The following LIMS1 variants were observed in gnomAD, a reference collection of about 807,000 sequenced individuals.
The protein encoded by LIMS1 is LIM zinc finger domain containing 1, also known as LIM and senescent cell antigen-like-containing domain protein 1.
In LIMS1, 18 loss-of-function variants were observed where a neutral mutation model predicts 44.1. That is an observed-to-expected ratio of 0.41 (90% CI 0.28 to 0.61). LIMS1 has a LOEUF of 0.61. Among genes scored for constraint, LIMS1 ranks in the 20% least tolerant of loss-of-function variants. The probability of loss-of-function intolerance (pLI) is 0.32; values close to 1 mark genes in which losing one functional copy is unlikely to be tolerated. For missense variants in LIMS1, 201 were observed against 422.0 expected (o/e 0.48, Z 4.59); for synonymous variants, 93 against 149.1 (o/e 0.62, Z 2.74).
intron 1 of LIMS1, among the ~76,000 whole-genome samples, chr2:108,639,904 C>A (rs1054066051): frequency 2.6e-5 from 4 of 152,214 alleles, no homozygotes; most frequent in Admixed American, 1.3e-4. Flanking sequence ...ATTCAACTTA[C>A]CAAACCAAAA....
At chr2:108,616,197 CTTTTTTTTT>C (rs1159229290) in intron 1 of LIMS1, among the ~76,000 whole-genome samples, 3 of 71,950 alleles carry the variant, frequency 4.2e-5, no homozygotes, top group South Asian at 6.2e-4. Flanking sequence ...TTTGCATGGG[CTTTTTTTTT>C]TTTTTTTTTT....
intron 1 of LIMS1, among the ~76,000 whole-genome samples, chr2:108,648,224 A>G (rs1371471342): frequency 2.0e-5 from 3 of 152,208 alleles, no homozygotes; most frequent in Admixed American, 1.3e-4. Context: ...AGTTGTTACT[A>G]AGAGAATAAA....
At chr2:108,578,757 C>G (rs927863151) in intron 1 of LIMS1, among the ~76,000 whole-genome samples, 1 of 151,912 alleles carries the variant, frequency 6.6e-6, no homozygotes, top group Non-Finnish European at 1.5e-5. Context: ...CCACGCCTGG[C>G]TAATTTTTTT....
chr2:108,613,934 C>T (rs1482423246), intron 1 of LIMS1, among the ~76,000 whole-genome samples: 2 of 151,950 alleles, frequency 1.3e-5, no homozygotes, highest in African/African-American at 2.4e-5. Context: ...CTTTCTACTA[C>T]TTGACATGTT....
At chr2:108,601,567 A>G (rs1011910171) in intron 1 of LIMS1, among the ~76,000 whole-genome samples, 22 of 152,368 alleles carry the variant, frequency 1.4e-4, no homozygotes, top group African/African-American at 5.3e-4. Context: ...GCGATGGATG[A>G]ATGCCTCAAG....
intron 5 of LIMS1, 31 bp from the exon 6 acceptor site, chr2:108,675,847 G>C: frequency 6.2e-7 from 1 of 1,613,862 alleles, no homozygotes; most frequent in Non-Finnish European, 8.5e-7. Context: ...TTCTCTCTTA[G>C]TATTAAGCTG....
At chr2:108,547,580 G>A (rs968699581) in intron 1 of LIMS1, among the ~76,000 whole-genome samples, 1 of 152,208 alleles carries the variant, frequency 6.6e-6, no homozygotes, top group Non-Finnish European at 1.5e-5. Context: ...GAGTGTCCTA[G>A]AAGCTAAAGC....
chr2:108,542,813 T>A (rs1684358204), intron 1 of LIMS1, among the ~76,000 whole-genome samples: 1 of 152,230 alleles, frequency 6.6e-6, no homozygotes, highest in Non-Finnish European at 1.5e-5. Flanking sequence ...CTTGGCTGCT[T>A]CAACACCTAT....
intron 1 of LIMS1, among the ~76,000 whole-genome samples, chr2:108,625,035 C>T (rs751125283): frequency 6.6e-5 from 10 of 152,202 alleles, no homozygotes; most frequent in Non-Finnish European, 1.2e-4. Flanking sequence ...GCCGAGATCA[C>T]GCCGTTGCAC....
intron 1 of LIMS1, among the ~76,000 whole-genome samples, chr2:108,604,625 C>G (rs1227796856): frequency 6.6e-6 from 1 of 152,164 alleles, no homozygotes. Flanking sequence ...CTCCTCATCC[C>G]CCTTCCTCAA....
exon 1 of LIMS1, chr2:108,534,541 G>A (rs1300321634): frequency 2.5e-6 from 3 of 1,207,962 alleles, no homozygotes; most frequent in East Asian, 3.7e-5. Flanking sequence ...GCTGAGAGAC[G>A]GCGGCGGCCG....
chr2:108,591,269 A>G (rs1307582944), intron 1 of LIMS1, among the ~76,000 whole-genome samples: 1 of 152,200 alleles, frequency 6.6e-6, no homozygotes, highest in Non-Finnish European at 1.5e-5. Context: ...TGACTGAGAA[A>G]TGGTTTCCAT....
intron 1 of LIMS1, among the ~76,000 whole-genome samples, chr2:108,609,120 G>A (rs938566361): frequency 6.6e-6 from 1 of 152,174 alleles, no homozygotes; most frequent in Non-Finnish European, 1.5e-5. Flanking sequence ...AAGAGGGTGG[G>A]ATCGGTGATT....
chr2:108,539,937 G>A (rs183303531), intron 1 of LIMS1, among the ~76,000 whole-genome samples: 3 of 151,284 alleles, frequency 2.0e-5, no homozygotes, highest in African/African-American at 7.3e-5. Flanking sequence ...TGAATCCATC[G>A]TTTTCTTTTT....
chr2:108,564,313 A>G (rs957015991), intron 1 of LIMS1, among the ~76,000 whole-genome samples: 1 of 152,204 alleles, frequency 6.6e-6, no homozygotes, highest in African/African-American at 2.4e-5. Flanking sequence ...ATGCTCTTGC[A>G]CACTTAATAG....
chr2:108,569,954 T>C (rs1300812805), intron 1 of LIMS1, among the ~76,000 whole-genome samples: 2 of 151,974 alleles, frequency 1.3e-5, no homozygotes, highest in African/African-American at 2.4e-5. Flanking sequence ...GGGATATTTA[T>C]TTTGGGAGAA....
rs201963819 is a variant in LIMS1, at chr2:108,649,990, T to TA, written c.33-9607dup. 3.9e-3 allele frequency among the ~76,000 whole-genome samples: 600 copies of TA among 152,040 alleles called. 3 individuals carry two copies. The highest frequency in any genetic ancestry group is 7.5e-3 in the Admixed American group (114 of 15,266). On this transcript the variant is annotated intron_variant, in intron 1 of 9. Transcript: ENST00000544547. ...ATAATAAAATAAATACTTTCAACAG[T>TA]AAAAAAAAGAAAAACGCCCTTAGGG...
chr2:108,683,842 T>C (rs1693168826), intron 9 of LIMS1, 43 bp from the exon 10 acceptor site: 2 of 1,062,920 alleles, frequency 1.9e-6, no homozygotes, highest in Non-Finnish European at 2.8e-6. Flanking sequence ...TTGTTGAATA[T>C]GTTTCCACTA....
At chr2:108,599,911 C>T (rs1297733894) in intron 1 of LIMS1, among the ~76,000 whole-genome samples, 3 of 151,370 alleles carry the variant, frequency 2.0e-5, no homozygotes, top group Admixed American at 1.3e-4. Context: ...TTGTTTAAGC[C>T]CCTTATATAT....
Sources: gnomAD v4.1 joint callset for allele counts (sites outside exome capture counted in the v4.1 genomes callset) on GRCh38, gnomAD v4.1.1 for gene constraint, MANE v1.5 for transcripts, NCBI Gene and HGNC (gene_info 2026-07-23, HGNC 2026-07-21) for gene names.